ADGRL1: variants seen among roughly 807,000 people sequenced by gnomAD.
The protein encoded by ADGRL1 is adhesion G protein-coupled receptor L1.
In ADGRL1, 31 loss-of-function variants were observed where a neutral mutation model predicts 148.9. The observed-to-expected ratio is 0.21, with a 90% CI of 0.16 to 0.28. ADGRL1 has a LOEUF of 0.28. Among genes scored for constraint, ADGRL1 ranks in the 10% least tolerant of loss-of-function variants. The probability of loss-of-function intolerance (pLI) is 1.00; values close to 1 mark genes in which losing one functional copy is unlikely to be tolerated. For missense variants in ADGRL1, 1,521 were observed against 2,058.8 expected, an observed-to-expected ratio of 0.74 and a Z score of 5.05; for synonymous variants, 937 against 900.3, an observed-to-expected ratio of 1.04 and a Z score of -0.73.
chr19:14,171,064 T>C, intron 3 of ADGRL1: 3 of 352,736 alleles, frequency 8.5e-6, no homozygotes, highest in South Asian at 5.8e-5. Flanking sequence ...CTCCGTGCTG[T>C]TGAGATCTGG....
Position 14,152,010 on chromosome 19 carries a change from G to T in ADGRL1, c.3667+123C>A. ...GCTGCCAGAGGCTGTGTGTCGGGGGGTGGGGAAATGTGGGCATGGGGAGGC... is the reference window on the plus strand; with the variant it reads ...GCTGCCAGAGGCTGTGTGTCGGGGGTTGGGGAAATGTGGGCATGGGGAGGC... On this transcript the variant is annotated intron_variant, in intron 22 of 22. Transcript: ENST00000361434. This position sits in a 1 kb window ranked among gnomAD's most constrained non-coding sequence, Gnocchi z 6.1. 1 of 877,254 alleles carries T rather than the reference G, an allele frequency of 1.1e-6. No individual in the cohort carries two copies. The highest frequency in any genetic ancestry group is 1.9e-6 in the Non-Finnish European group (1 of 524,754). The allele number at this position is 877,254 out of a possible 1,614,324, so 54.3% of individuals were successfully genotyped here.
Position 14,162,906 on chromosome 19 carries a change from C to T in ADGRL1, c.895G>A (p.Gly299Ser), listed in dbSNP as rs752205191. 45 of 1,613,560 alleles carry T rather than the reference C, an allele frequency of 2.8e-5. 1 individual carries two copies. The South Asian group carries it at 4.8e-4, about 17-fold the overall frequency. The change falls in exon 5 of 23, where the codon GGC becomes AGC. Residue 299 changes from glycine (G) to serine (S), a missense_variant. Physicochemically the swap from Gly to Ser is moderately conservative, Grantham distance 56. Coordinates refer to ENST00000361434, the MANE Select transcript of ADGRL1 (RefSeq NM_014921.5). This position sits in a 1 kb window ranked among gnomAD's most constrained non-coding sequence, Gnocchi z 5.4. ...TTGTCGTAACCCGTCTCCCACGTGC[C>T]CTCAAAGCGCAGTGTGTAGGGGTTC... ...QLNPYTLRFE[G>S]TWETGYDKRS...
chr19:14,182,826 C>G (rs1971293176), intron 2 of ADGRL1, among the ~76,000 whole-genome samples: 1 of 152,304 alleles, frequency 6.6e-6, no homozygotes, highest in South Asian at 2.1e-4. Context: ...TGAACCGTGT[C>G]CCTTCAACCT....
In ADGRL1 at chr19:14,158,068, A is replaced by G; in HGVS notation, c.2365-16T>C. Reference sequence around the variant, plus strand: ...GGTTCTTGTCCTGTTGTGTGGTGGCACCAGGGTGTCATAACTAGAGTCAGA... The same window carrying G: ...GGTTCTTGTCCTGTTGTGTGGTGGCGCCAGGGTGTCATAACTAGAGTCAGA... On this transcript the variant is annotated splice_polypyrimidine_tract_variant and intron_variant, in intron 12 of 22. Coordinates refer to ENST00000361434, the MANE Select transcript of ADGRL1 (RefSeq NM_014921.5). 1 of 1,613,686 alleles carries G rather than the reference A, an allele frequency of 6.2e-7. No homozygotes were observed. The highest frequency in any genetic ancestry group is 8.5e-7 in the Non-Finnish European group (1 of 1,179,724).
chr19:14,152,383 G>A lies in ADGRL1; in HGVS notation c.3575C>T (p.Thr1192Ile). Residue 1192 changes from threonine to isoleucine, a missense_variant, in exon 21 of 23, where the codon ACC becomes ATC. This residue lies in a region of ADGRL1 where 47 missense variants were observed against 64.6 expected (regional missense o/e 0.73). Transcript: ENST00000361434. This position sits in a 1 kb window ranked among gnomAD's most constrained non-coding sequence, Gnocchi z 6.1. ...GGCGATGAGGGTGTTGTAGGGACTGGTGCCCCCACGGGGCTGCAGCACGGG... is the reference window on the plus strand; with the variant it reads ...GGCGATGAGGGTGTTGTAGGGACTGATGCCCCCACGGGGCTGCAGCACGGG... ...TNPVLQPRGGTSPYNTLIAES... is the reference protein window; with the variant it reads ...TNPVLQPRGGISPYNTLIAES... 1 of 1,601,732 alleles carries A rather than the reference G, an allele frequency of 6.2e-7. No individual in the cohort carries two copies. The highest frequency in any genetic ancestry group is 8.5e-7 in the Non-Finnish European group (1 of 1,172,320).
In ADGRL1 at chr19:14,180,312, A is replaced by G. The variant is rs1478975128; in HGVS notation, c.71-2568T>C. 3.9e-5 allele frequency among the ~76,000 whole-genome samples: 6 copies of G among 152,080 alleles called. No individual in the cohort carries two copies. In the East Asian group the frequency reaches 5.8e-4, roughly 15 times the overall value. On this transcript the variant is annotated intron_variant, in intron 2 of 22. Coordinates refer to ENST00000361434, the MANE Select transcript of ADGRL1 (RefSeq NM_014921.5). ...GCTCTGTCACCCAGGCTGGAGTGGA[A>G]TGGCGCGATCTCAGCTCACTGCAAC...
At chr19:14,156,280 T>G in intron 16 of ADGRL1, 79 bp from the exon 17 acceptor site, 1 of 1,156,132 alleles carries the variant, frequency 8.6e-7, no homozygotes, top group South Asian at 1.3e-5. Flanking sequence ...GGGCCCAGCC[T>G]GGCGAAATCT....
At position 14,155,664 on chromosome 19, in the gene ADGRL1, G is replaced by T; in HGVS notation, c.3126-137C>A. 2 of 827,762 alleles carry T rather than the reference G, an allele frequency of 2.4e-6. No individual in the cohort carries two copies. The highest frequency in any genetic ancestry group is 3.7e-6 in the Non-Finnish European group (2 of 539,414). 51.3% of individuals were successfully genotyped at this position (827,762 alleles called of 1,614,324 possible). On this transcript the variant is annotated intron_variant, in intron 17 of 22. Coordinates refer to ENST00000361434, the MANE Select transcript of ADGRL1 (RefSeq NM_014921.5). The surrounding 1 kb of genome is among the most constrained non-coding windows in gnomAD (Gnocchi z 5.0). ...GCAAAGCCCTGAGCGGGCCGAGTGGGCCTTGGGGGCAGTGGCCTGCCCAGG... is the reference window on the plus strand; with the variant it reads ...GCAAAGCCCTGAGCGGGCCGAGTGGTCCTTGGGGGCAGTGGCCTGCCCAGG...
rs201790458 is a variant in ADGRL1 at position 14,155,505 on chromosome 19, C to T, written c.3148G>A (p.Ala1050Thr). 7.3e-5 allele frequency: 118 copies of T among 1,613,638 alleles called. No individual in the cohort carries two copies. The highest frequency in any genetic ancestry group is 9.2e-5 in the Non-Finnish European group (109 of 1,179,916). Residue 1050 changes from alanine to threonine, a missense_variant, in exon 18 of 23, where the codon GCG (alanine) becomes ACG (threonine). By Grantham distance (58) the Ala-to-Thr change is moderately conservative. Coordinates refer to ENST00000361434, the MANE Select transcript of ADGRL1 (RefSeq NM_014921.5). This position sits in a 1 kb window ranked among gnomAD's most constrained non-coding sequence, Gnocchi z 5.0. Reference protein sequence around the residue: ...NIKSWALGAIALLFLLGLTWA... With the variant: ...NIKSWALGAITLLFLLGLTWA... ...GTGAGGCCCAGCAGGAACAGCAGCGCGATGGCCCCCAGCGCCCAGGATCTG... is the reference window on the plus strand; with the variant it reads ...GTGAGGCCCAGCAGGAACAGCAGCGTGATGGCCCCCAGCGCCCAGGATCTG...
rs1431409914 is a variant in ADGRL1, at chr19:14,166,868, G to T, written c.395-3462C>A. The T allele has an allele frequency of 1.1e-5, 9 of 808,794 alleles. No homozygotes were observed. In the East Asian group the frequency reaches 2.0e-4, roughly 18 times the overall value. The allele number at this position is 808,794 out of a possible 1,614,324, so 50.1% of individuals were successfully genotyped here. ...TGGCCGCACCAGGGCTGGTCCCACT[G>T]GGAGGACAACCCAGGGTGGGGGATA... On this transcript the variant is annotated intron_variant, in intron 4 of 22. Coordinates refer to ENST00000361434, the MANE Select transcript of ADGRL1 (RefSeq NM_014921.5).
Position 14,158,044 on chromosome 19 carries a change from G to A in ADGRL1, c.2373C>T (p.Asn791=), listed in dbSNP as rs1421580093. The change falls in exon 13 of 23, where the codon AAC becomes AAT. Residue 791 remains asparagine (N), a synonymous_variant. Transcript: ENST00000361434. Reference sequence around the variant, plus strand: ...AGAAGGAGCAGTTAGCATTGAAGTGGTTCTTGTCCTGTTGTGTGGTGGCAC... The same window carrying A: ...AGAAGGAGCAGTTAGCATTGAAGTGATTCTTGTCCTGTTGTGTGGTGGCAC... The part of the protein sequence containing the change: ...IFTVAHLEDK[N]HFNANCSFWN... 1.2e-6 allele frequency: 2 copies of A among 1,614,004 alleles called. No individual in the cohort carries two copies. Among genetic ancestry groups the A allele is most frequent in the African/African-American group, 1.3e-5 (1 of 74,932 alleles).
intron 1 of ADGRL1, among the ~76,000 whole-genome samples, chr19:14,184,665 A>G (rs1340199657): frequency 7.2e-6 from 1 of 138,926 alleles, no homozygotes; most frequent in African/African-American, 2.8e-5. Flanking sequence ...TCTGAGACGG[A>G]GTCGTGCTCT....
intron 1 of ADGRL1, among the ~76,000 whole-genome samples, chr19:14,196,806 A>G (rs1448142009): frequency 6.6e-6 from 1 of 151,976 alleles, no homozygotes; most frequent in Non-Finnish European, 1.5e-5. Flanking sequence ...CTCCTACACC[A>G]TGTCCTGACT....
chr19:14,194,335 G>C (rs545576574), intron 1 of ADGRL1, among the ~76,000 whole-genome samples: 3 of 152,324 alleles, frequency 2.0e-5, no homozygotes, highest in Admixed American at 1.3e-4. Flanking sequence ...TGAGGAGGGA[G>C]GCAGAGATGG....
In ADGRL1 at chr19:14,202,473, G is replaced by A. The variant is rs558632980; in HGVS notation, c.-96+3512C>T. On this transcript the variant is annotated intron_variant, in intron 1 of 22. Transcript: ENST00000361434. ...TCACCATGTTGGCCAGGCTGGTCTCGAGCCCCTGACCTCAGGTGATCCACC... is the reference window on the plus strand; with the variant it reads ...TCACCATGTTGGCCAGGCTGGTCTCAAGCCCCTGACCTCAGGTGATCCACC... Among the ~76,000 whole-genome samples the A allele has an allele frequency of 5.9e-5, 9 of 152,052 alleles. No individual in the cohort carries two copies. The East Asian group carries it at 9.7e-4, about 16-fold the overall frequency.
intron 18 of ADGRL1, among the ~76,000 whole-genome samples, chr19:14,153,259 A>C (rs931641508): frequency 6.6e-6 from 1 of 152,168 alleles, no homozygotes; most frequent in Admixed American, 6.5e-5. Context: ...AACAGACACA[A>C]ATCCCTACCT....
At chr19:14,190,064 G>C (rs774621981) in intron 1 of ADGRL1, among the ~76,000 whole-genome samples, 11 of 152,008 alleles carry the variant, frequency 7.2e-5, no homozygotes, top group Non-Finnish European at 1.3e-4. Context: ...AGTGGCCGGG[G>C]CTACGGGTGG....
chr19:14,164,939 C>T (rs1049449927), intron 4 of ADGRL1, among the ~76,000 whole-genome samples: 3 of 152,152 alleles, frequency 2.0e-5, no homozygotes, highest in Admixed American at 6.5e-5. Context: ...GGGCACAGGG[C>T]GAGGGTGGAG....
chr19:14,202,097 GGGA>G (rs1972652052), intron 1 of ADGRL1, among the ~76,000 whole-genome samples: 1 of 152,132 alleles, frequency 6.6e-6, no homozygotes, highest in African/African-American at 2.4e-5. Context: ...GCAACGAGGA[GGGA>G]GGAGATGGCC....
Sources: gnomAD v4.1 joint callset for allele counts (sites outside exome capture counted in the v4.1 genomes callset) on GRCh38, gnomAD v4.1.1 for gene constraint, gnomAD v4.1.1 regional missense constraint, Gnocchi (gnomAD v3.1) non-coding constraint, MANE v1.5 for transcripts, NCBI Gene and HGNC (gene_info 2026-07-23, HGNC 2026-07-21) for gene names.